Variants in NLGN4Y observed in about 807,000 individuals in gnomAD.
NLGN4Y encodes neuroligin-4, Y-linked.
NLGN4Y carries 4 observed loss-of-function variants against 8.4 expected under a neutral mutation model. That is an observed-to-expected ratio of 0.48 (90% CI 0.23 to 1.09). NLGN4Y has a LOEUF of 1.09. Among genes scored for constraint, NLGN4Y ranks in the 50% least tolerant of loss-of-function variants. The pLI, the probability that NLGN4Y is intolerant of heterozygous loss-of-function variation, is 0.19. For synonymous variants in NLGN4Y, 35 were observed against 75.6 expected (o/e 0.46, Z 2.78); for missense variants, 90 against 192.3 (o/e 0.47, Z 3.15).
chrY:14,778,178 A>G (rs761794427), intron 4 of NLGN4Y, among the ~76,000 whole-genome samples: 2 of 33,353 alleles, frequency 6.0e-5, no homozygotes, highest in Non-Finnish European at 1.5e-4. Flanking sequence ...AGGGGAAAAT[A>G]GCACTTAGAA....
chrY:14,639,542 T>C (rs774041736), intron 2 of NLGN4Y: 1 of 250,014 alleles, frequency 4.0e-6, no homozygotes, highest in South Asian at 3.3e-5. Flanking sequence ...AGATTCCCAT[T>C]GGATTTATCC....
intron 4 of NLGN4Y, among the ~76,000 whole-genome samples, chrY:14,757,948 C>T: frequency 2.9e-5 from 1 of 34,386 alleles, no homozygotes; most frequent in Non-Finnish European, 7.3e-5. Context: ...CAAGGGTATA[C>T]GATATCCTTT....
At chrY:14,584,828 G>A (rs750352160) in intron 1 of NLGN4Y, among the ~76,000 whole-genome samples, 20 of 33,294 alleles carry the variant, frequency 6.0e-4, no homozygotes, top group African/African-American at 2.3e-3. Context: ...TTAAGGCCAG[G>A]TGCATTGACT....
At chrY:14,805,984 C>A (rs192212054) in intron 4 of NLGN4Y, among the ~76,000 whole-genome samples, 8 of 32,938 alleles carry the variant, frequency 2.4e-4, no homozygotes, top group African/African-American at 8.3e-4. Context: ...AATACACACA[C>A]AAAAAAATTT....
intron 2 of NLGN4Y, among the ~76,000 whole-genome samples, chrY:14,718,026 G>T (rs2080922105): frequency 3.0e-5 from 1 of 33,481 alleles, no homozygotes; most frequent in Non-Finnish European, 7.4e-5. Context: ...CAATATGGAC[G>T]GACATTGAAA....
intron 1 of NLGN4Y, among the ~76,000 whole-genome samples, chrY:14,604,762 G>A (rs1041608345): frequency 6.1e-5 from 2 of 32,908 alleles, no homozygotes; most frequent in Non-Finnish European, 1.5e-4. Context: ...TTTTAAGAGC[G>A]GCCTTGCTAT....
intron 4 of NLGN4Y, among the ~76,000 whole-genome samples, chrY:14,818,020 A>AT (rs2043108465): frequency 1.2e-4 from 4 of 32,207 alleles, no homozygotes; most frequent in Non-Finnish European, 3.0e-4. Flanking sequence ...AAGCCTTGAG[A>AT]TTTTAGATGT....
intron 1 of NLGN4Y, among the ~76,000 whole-genome samples, chrY:14,566,884 C>G: frequency 5.9e-5 from 2 of 33,642 alleles, no homozygotes; most frequent in Non-Finnish European, 7.3e-5. Context: ...GTAAAACACT[C>G]CTCAGCAAAT....
chrY:14,779,511 A>G (rs1603503926), intron 4 of NLGN4Y, among the ~76,000 whole-genome samples: 1 of 32,994 alleles, frequency 3.0e-5, no homozygotes, highest in South Asian at 6.8e-4. Context: ...AAAGCAGAAG[A>G]AGGCATTCAG....
chrY:14,615,280 C>A, intron 1 of NLGN4Y, among the ~76,000 whole-genome samples: 1 of 33,389 alleles, frequency 3.0e-5, no homozygotes, highest in Non-Finnish European at 7.4e-5. Context: ...TATCCTGAGA[C>A]TTTGCTGAAA....
chrY:14,530,007 A>G, intron 1 of NLGN4Y, among the ~76,000 whole-genome samples: 3 of 27,610 alleles, frequency 1.1e-4, no homozygotes, highest in African/African-American at 4.3e-4. Flanking sequence ...ATATATATAT[A>G]TATATATATC....
chrY:14,558,703 T>G, intron 1 of NLGN4Y, among the ~76,000 whole-genome samples: 1 of 33,118 alleles, frequency 3.0e-5, no homozygotes, highest in African/African-American at 1.2e-4. Flanking sequence ...CAACTAATGA[T>G]TTTCAACCTT....
At chrY:14,695,228 C>A in intron 2 of NLGN4Y, among the ~76,000 whole-genome samples, 1 of 33,931 alleles carries the variant, frequency 2.9e-5, no homozygotes, top group Non-Finnish European at 7.3e-5. Flanking sequence ...TCTATGGAAT[C>A]TATGGATACC....
intron 2 of NLGN4Y, among the ~76,000 whole-genome samples, chrY:14,626,509 A>T: frequency 3.0e-5 from 1 of 33,724 alleles, no homozygotes; most frequent in African/African-American, 1.2e-4. Flanking sequence ...GAAGCTGCAG[A>T]CCTTTGTGAA....
intron 1 of NLGN4Y, among the ~76,000 whole-genome samples, chrY:14,576,468 A>C: frequency 3.1e-5 from 1 of 32,744 alleles, no homozygotes; most frequent in East Asian, 8.3e-4. Flanking sequence ...GAGTGACCTG[A>C]TTTTCCAGGT....
chrY:14,588,744 C>T (rs2080349661), intron 1 of NLGN4Y, among the ~76,000 whole-genome samples: 1 of 33,160 alleles, frequency 3.0e-5, no homozygotes, highest in Non-Finnish European at 7.4e-5. Flanking sequence ...TGCGGACCCT[C>T]GCGGTGAGTG....
intron 4 of NLGN4Y, among the ~76,000 whole-genome samples, chrY:14,747,371 G>A: frequency 3.1e-5 from 1 of 32,314 alleles, no homozygotes; most frequent in African/African-American, 1.2e-4. Context: ...TTCCTCTCTC[G>A]CCATGTGATC....
At chrY:14,621,444 C>T in intron 1 of NLGN4Y, among the ~76,000 whole-genome samples, 2 of 33,548 alleles carry the variant, frequency 6.0e-5, no homozygotes, top group Admixed American at 5.5e-4. Flanking sequence ...TCTTGAACGT[C>T]GGTTTGTTCA....
At chrY:14,727,959 G>A (rs2080960616) in intron 4 of NLGN4Y, among the ~76,000 whole-genome samples, 1 of 33,137 alleles carries the variant, frequency 3.0e-5, no homozygotes, top group Non-Finnish European at 7.4e-5. Context: ...ATCCATCTTC[G>A]CCACAATCAT....
Sources: allele counts gnomAD v4.1 joint callset (sites outside exome capture counted in the v4.1 genomes callset), GRCh38; gene constraint gnomAD v4.1.1; transcripts MANE v1.5; gene names NCBI Gene and HGNC (gene_info 2026-07-23, HGNC 2026-07-21).